LARP4B: variants seen among roughly 807,000 people sequenced by gnomAD.
LARP4B encodes la-related protein 4B.
Under a neutral mutation model 89.8 loss-of-function variants are expected in LARP4B, and 12 were observed. The ratio of observed to expected loss-of-function variants is 0.13; its 90% CI spans 0.09 to 0.22. LARP4B has a LOEUF of 0.22. Among genes scored for constraint, LARP4B ranks in the 10% least tolerant of loss-of-function variants. The pLI is 1.00. For missense variants in LARP4B, 757 were observed against 947.7 expected (o/e 0.80, Z 2.64); for synonymous variants, 367 against 363.3 (o/e 1.01, Z -0.12).
intron 3 of LARP4B, chr10:870,072 G>A: frequency 1.0e-6 from 1 of 985,010 alleles, no homozygotes; most frequent in Non-Finnish European, 1.2e-6. Context: ...ACCGGTAGCT[G>A]AGGAGTGTTT....
At chr10:867,500 C>T (rs903691563) in intron 3 of LARP4B, among the ~76,000 whole-genome samples, 1 of 152,160 alleles carries the variant, frequency 6.6e-6, no homozygotes, top group African/African-American at 2.4e-5. Flanking sequence ...AGATCTGAAT[C>T]TCCTACTATT....
the LARP4B span, among the ~76,000 whole-genome samples, chr10:970,141 A>G: frequency 6.6e-6 from 1 of 152,230 alleles, no homozygotes; most frequent in African/African-American, 2.4e-5. Context: ...ATGGAAATTG[A>G]CTTAAAGAAA....
the LARP4B span, among the ~76,000 whole-genome samples, chr10:974,798 C>T: frequency 6.6e-6 from 1 of 152,262 alleles, no homozygotes; most frequent in Non-Finnish European, 1.5e-5. Context: ...GATTAAACAG[C>T]TTCACGCTCA....
chr10:812,896 G>C lies in LARP4B; in HGVS notation c.*30C>G, dbSNP rs375228225. On this transcript the variant is annotated 3_prime_UTR_variant, in exon 18 of 18. Coordinates refer to ENST00000316157, the MANE Select transcript of LARP4B (RefSeq NM_015155.3). ...GTGTCTCGTTTGTGGTTAACACAGC[G>C]CTCTGCGACCCCTCCCAGACGTACG... 6.6e-7 allele frequency: 1 copy of C among 1,511,450 alleles called. No homozygotes were observed. Among genetic ancestry groups the C allele is most frequent in the East Asian group, 2.3e-5 (1 of 43,878 alleles). The allele number at this position is 1,511,450 out of a possible 1,614,324, so 93.6% of individuals were successfully genotyped here. A position where few individuals can be genotyped will look rare whatever the true frequency, so the allele number is the denominator to read the frequency against.
chr10:901,615 G>A lies in LARP4B; in HGVS notation c.-39-15855C>T, dbSNP rs374812508. On this transcript the variant is annotated intron_variant, in intron 1 of 17. Coordinates refer to ENST00000316157, the MANE Select transcript of LARP4B (RefSeq NM_015155.3). ...ATCTCTATGATATTCCATTCTTTTC[G>A]TTTCATGTTCTTATAGTAAGTGTGT... Among the ~76,000 whole-genome samples the A allele has an allele frequency of 3.2e-4, 49 of 151,680 alleles. 2 individuals carry two copies. The East Asian group carries it at 9.3e-3, about 29-fold the overall frequency.
the LARP4B span, among the ~76,000 whole-genome samples, chr10:957,443 G>A: frequency 1.3e-5 from 2 of 152,144 alleles, no homozygotes; most frequent in East Asian, 1.9e-4. Context: ...TGGGATTACA[G>A]GGGTAAGCCA....
At chr10:878,784 A>G (rs1190586476) in intron 3 of LARP4B, among the ~76,000 whole-genome samples, 1 of 152,220 alleles carries the variant, frequency 6.6e-6, no homozygotes, top group African/African-American at 2.4e-5. Flanking sequence ...GTACTGCCAC[A>G]CAAAGTTGAT....
the LARP4B span, among the ~76,000 whole-genome samples, chr10:958,075 G>A: frequency 9.3e-4 from 142 of 152,312 alleles, 1 homozygote; most frequent in Middle Eastern, 3.4e-3. Context: ...GGGATTACAG[G>A]CGTGAGCCAC....
In LARP4B at chr10:876,053, T is replaced by C. The variant is rs936173920; in HGVS notation, c.141+8394A>G. 9.9e-5 allele frequency among the ~76,000 whole-genome samples: 15 copies of C among 152,162 alleles called. 1 individual carries two copies. Among genetic ancestry groups the C allele is most frequent in the Admixed American group, 9.2e-4 (14 of 15,266 alleles). Reference sequence around the variant, plus strand: ...CCTGAGTGTTGAAAGTAACAAGTTATGTGTTTCCAAAATACAATGGTGGGA... The same window carrying C: ...CCTGAGTGTTGAAAGTAACAAGTTACGTGTTTCCAAAATACAATGGTGGGA... On this transcript the variant is annotated intron_variant, in intron 3 of 17. Coordinates refer to ENST00000316157, the MANE Select transcript of LARP4B (RefSeq NM_015155.3).
intron 5 of LARP4B, among the ~76,000 whole-genome samples, chr10:863,389 A>AT (rs1303375401): frequency 3.3e-5 from 5 of 151,228 alleles, no homozygotes; most frequent in Non-Finnish European, 7.4e-5. Context: ...CGCCCAGCTG[A>AT]TTTTTTTTGT....
At chr10:864,009 C>T in intron 4 of LARP4B, 114 bp downstream of exon 4, 1 of 1,553,442 alleles carries the variant, frequency 6.4e-7, no homozygotes, top group Non-Finnish European at 8.7e-7. Flanking sequence ...TCAAGCACTG[C>T]CACATACCAT....
At chr10:921,588 G>A (rs1836982137) in intron 1 of LARP4B, among the ~76,000 whole-genome samples, 1 of 152,136 alleles carries the variant, frequency 6.6e-6, no homozygotes, top group African/African-American at 2.4e-5. Context: ...CCAAGAATCT[G>A]TGTGGCCTTG....
chr10:840,094 C>A (rs370720292), intron 7 of LARP4B, among the ~76,000 whole-genome samples: 28 of 150,970 alleles, frequency 1.9e-4, no homozygotes, highest in African/African-American at 5.9e-4. Context: ...GGAAGCAAAT[C>A]AGTGGTTGCC....
chr10:831,746 G>T (rs1832916329), intron 8 of LARP4B, among the ~76,000 whole-genome samples: 1 of 152,224 alleles, frequency 6.6e-6, no homozygotes, highest in Admixed American at 6.5e-5. Flanking sequence ...ATTCCACCTA[G>T]AAAGTTGGTT....
the LARP4B span, among the ~76,000 whole-genome samples, chr10:982,178 C>G: frequency 6.9e-6 from 1 of 144,248 alleles, no homozygotes; most frequent in Non-Finnish European, 1.5e-5. Flanking sequence ...TGCAGTGGCA[C>G]AATCTTGGCT....
intron 1 of LARP4B, among the ~76,000 whole-genome samples, chr10:908,051 C>T (rs1416738689): frequency 6.6e-6 from 1 of 152,130 alleles, no homozygotes; most frequent in Admixed American, 6.6e-5. Flanking sequence ...ACTAAAAATA[C>T]AAAAATTAGC....
intron 14 of LARP4B, chr10:818,513 G>A (rs1832178878): frequency 6.6e-6 from 1 of 152,222 alleles, no homozygotes; most frequent in Admixed American, 6.5e-5. Context: ...ATTCTAATCA[G>A]ATTCTTTGAC....
the LARP4B span, among the ~76,000 whole-genome samples, chr10:978,346 G>T: frequency 4.9e-4 from 74 of 152,188 alleles, no homozygotes; most frequent in African/African-American, 1.4e-3. Context: ...ATATTTCAAG[G>T]TTACGTTATT....
At chr10:917,627 T>G (rs771055027) in intron 1 of LARP4B, among the ~76,000 whole-genome samples, 2 of 152,210 alleles carry the variant, frequency 1.3e-5, no homozygotes, top group Admixed American at 6.5e-5. Context: ...ACAATCTTAC[T>G]TTCTGACAAG....
Sources: allele counts gnomAD v4.1 joint callset (sites outside exome capture counted in the v4.1 genomes callset), GRCh38; gene constraint gnomAD v4.1.1; transcripts MANE v1.5; gene names NCBI Gene and HGNC (gene_info 2026-07-23, HGNC 2026-07-21).